The following CSRNP3 variants were observed in gnomAD, a reference collection of about 807,000 sequenced individuals.
CSRNP3 encodes the protein cysteine and serine rich nuclear protein 3, also known as cysteine/serine-rich nuclear protein 3.
CSRNP3 carries 12 observed loss-of-function variants against 48.0 expected under a neutral mutation model. The observed-to-expected ratio is 0.25, with a 90% CI of 0.16 to 0.41. The LOEUF (loss-of-function observed/expected upper bound fraction) is 0.41, where lower values mean the gene tolerates loss of function less well. CSRNP3 is among the 10% of genes least tolerant of loss of function. The probability of loss-of-function intolerance (pLI) is 1.00; values close to 1 mark genes in which losing one functional copy is unlikely to be tolerated. For synonymous variants in CSRNP3, 263 were observed against 269.7 expected (o/e 0.98, Z 0.24); for missense variants, 580 against 724.4 (o/e 0.80, Z 2.29).
At chr2:165,549,594 T>G (rs1685072701) in intron 3 of CSRNP3, among the ~76,000 whole-genome samples, 1 of 152,146 alleles carries the variant, frequency 6.6e-6, no homozygotes, top group South Asian at 2.1e-4. Context: ...CATTTTTATC[T>G]ATGTCATTTA....
intron 1 of CSRNP3, among the ~76,000 whole-genome samples, chr2:165,472,531 A>G (rs2105442953): frequency 6.6e-6 from 1 of 152,062 alleles, no homozygotes; most frequent in Non-Finnish European, 1.5e-5. Context: ...TACCCTAGGC[A>G]ATTCCTTAAT....
At chr2:165,528,994 C>T (rs910691348) in intron 3 of CSRNP3, among the ~76,000 whole-genome samples, 3 of 152,156 alleles carry the variant, frequency 2.0e-5, no homozygotes, top group Non-Finnish European at 2.9e-5. Flanking sequence ...GCCCTGCCCT[C>T]CTGGGTGCAG....
intron 3 of CSRNP3, among the ~76,000 whole-genome samples, chr2:165,546,047 A>G (rs554649145): frequency 2.6e-5 from 4 of 152,280 alleles, no homozygotes; most frequent in African/African-American, 9.6e-5. Flanking sequence ...AGATGAGGAA[A>G]CCAAGGCTCA....
intron 1 of CSRNP3, among the ~76,000 whole-genome samples, chr2:165,476,230 G>T (rs1290096482): frequency 6.6e-6 from 1 of 152,092 alleles, no homozygotes; most frequent in African/African-American, 2.4e-5. Context: ...GGTCTGTTCT[G>T]GTGAACAATT....
intron 4 of CSRNP3, among the ~76,000 whole-genome samples, chr2:165,639,841 T>C (rs1686695872): frequency 1.3e-5 from 2 of 152,204 alleles, no homozygotes; most frequent in African/African-American, 2.4e-5. Context: ...AGATACCTTT[T>C]GTCTCTCATT....
chr2:165,641,743 A>G (rs1166308261), intron 4 of CSRNP3, among the ~76,000 whole-genome samples: 1 of 152,132 alleles, frequency 6.6e-6, no homozygotes. Flanking sequence ...AATACTGAGA[A>G]CCAAGGTTTG....
At position 165,684,151 on chromosome 2, in the gene CSRNP3, A is replaced by G. The variant is rs963728881; in HGVS notation, c.*4398A>G. ...CACAATCACTCTTACTTCTATTTAT[A>G]AAAAGCCTATCAAAACAGCAAAATC... On this transcript the variant is annotated 3_prime_UTR_variant, in exon 7 of 7. Coordinates refer to ENST00000651982, the MANE Select transcript of CSRNP3 (RefSeq NM_001172173.2). 1 of 152,146 alleles carries G rather than the reference A, an allele frequency of 6.6e-6. No homozygotes were observed. The highest frequency in any genetic ancestry group is 1.9e-4 in the East Asian group (1 of 5,192). 9.4% of individuals were successfully genotyped at this position (152,146 alleles called of 1,614,324 possible). A position where few individuals can be genotyped will look rare whatever the true frequency, so the allele number is the denominator to read the frequency against.
chr2:165,590,276 T>A (rs999425258), intron 3 of CSRNP3, among the ~76,000 whole-genome samples: 1 of 152,176 alleles, frequency 6.6e-6, no homozygotes, highest in African/African-American at 2.4e-5. Context: ...ATTGTTAATA[T>A]AACATTCATG....
At chr2:165,643,452 G>T (rs541764366) in intron 4 of CSRNP3, among the ~76,000 whole-genome samples, 2 of 152,322 alleles carry the variant, frequency 1.3e-5, no homozygotes, top group South Asian at 4.1e-4. Flanking sequence ...CATAGCATCT[G>T]TTTGGCCCCT....
chr2:165,581,159 T>C (rs1685539526), intron 3 of CSRNP3, among the ~76,000 whole-genome samples: 1 of 152,222 alleles, frequency 6.6e-6, no homozygotes, highest in South Asian at 2.1e-4. Context: ...TATTCCACTA[T>C]ACCATTTTGC....
At chr2:165,505,023 G>A (rs1334372699) in intron 2 of CSRNP3, among the ~76,000 whole-genome samples, 1 of 151,958 alleles carries the variant, frequency 6.6e-6, no homozygotes, top group Non-Finnish European at 1.5e-5. Context: ...TACATTGTAT[G>A]GATTAGAGAA....
chr2:165,568,428 T>C (rs185465434), intron 3 of CSRNP3, among the ~76,000 whole-genome samples: 21 of 152,238 alleles, frequency 1.4e-4, no homozygotes, highest in Admixed American at 3.9e-4. Context: ...CCTCTTATTA[T>C]AGTTAGTAAA....
chr2:165,535,223 A>G (rs1014726474), intron 3 of CSRNP3, among the ~76,000 whole-genome samples: 2 of 151,858 alleles, frequency 1.3e-5, no homozygotes, highest in African/African-American at 2.4e-5. Context: ...ATTTAGATAC[A>G]TATTTTTTGT....
chr2:165,538,392 A>G (rs980566141), intron 3 of CSRNP3, among the ~76,000 whole-genome samples: 4 of 151,880 alleles, frequency 2.6e-5, no homozygotes, highest in African/African-American at 9.7e-5. Context: ...CGTGATTCTC[A>G]CTAGCTTTCT....
intron 5 of CSRNP3, among the ~76,000 whole-genome samples, chr2:165,664,490 C>T (rs1687146748): frequency 6.6e-6 from 1 of 152,190 alleles, no homozygotes. Flanking sequence ...TCCCTATTTT[C>T]CGAATTCTGG....
intron 4 of CSRNP3, among the ~76,000 whole-genome samples, chr2:165,655,623 C>T (rs1278416885): frequency 6.6e-6 from 1 of 152,182 alleles, no homozygotes; most frequent in Non-Finnish European, 1.5e-5. Context: ...TGACTTACTA[C>T]AGCAGAAACT....
chr2:165,617,794 G>C (rs551478773), intron 4 of CSRNP3, among the ~76,000 whole-genome samples: 2 of 152,210 alleles, frequency 1.3e-5, no homozygotes, highest in African/African-American at 4.8e-5. Context: ...TGTCCTGTGC[G>C]TGGCCCACAT....
At chr2:165,498,130 T>C (rs1030295953) in intron 2 of CSRNP3, among the ~76,000 whole-genome samples, 3 of 152,100 alleles carry the variant, frequency 2.0e-5, no homozygotes, top group African/African-American at 7.2e-5. Flanking sequence ...TTTCCTTGTA[T>C]GTCACTGACA....
chr2:165,635,898 AT>A (rs999557892), intron 4 of CSRNP3, among the ~76,000 whole-genome samples: 9 of 151,802 alleles, frequency 5.9e-5, no homozygotes, highest in African/African-American at 1.4e-4. Context: ...CTCCATACCC[AT>A]TTTTTCTTTC....
Sources: allele counts gnomAD v4.1 joint callset (sites outside exome capture counted in the v4.1 genomes callset), GRCh38; gene constraint gnomAD v4.1.1; transcripts MANE v1.5; gene names NCBI Gene and HGNC (gene_info 2026-07-23, HGNC 2026-07-21).